Variants in SUPT16H observed in about 807,000 individuals in gnomAD.
SUPT16H encodes FACT complex subunit SPT16.
A neutral mutation model predicts 136.2 loss-of-function variants in SUPT16H; 24 were observed. That is an observed-to-expected ratio of 0.18 (90% CI 0.13 to 0.25). SUPT16H has a LOEUF of 0.25. SUPT16H is among the 10% of genes least tolerant of loss of function. The probability of loss-of-function intolerance (pLI) is 1.00; values close to 1 mark genes in which losing one functional copy is unlikely to be tolerated. For missense variants in SUPT16H, 623 were observed against 1,270.2 expected, an observed-to-expected ratio of 0.49 and a Z score of 7.74; for synonymous variants, 415 against 428.2, an observed-to-expected ratio of 0.97 and a Z score of 0.38.
At chr14:21,374,426 G>A (rs1338183759) in intron 1 of SUPT16H, among the ~76,000 whole-genome samples, 1 of 152,226 alleles carries the variant, frequency 6.6e-6, no homozygotes. Context: ...ATTTTTAGCA[G>A]AATTATGCAA....
intron 15 of SUPT16H, among the ~76,000 whole-genome samples, chr14:21,361,667 C>T (rs539657059): frequency 6.6e-6 from 1 of 152,262 alleles, no homozygotes; most frequent in Non-Finnish European, 1.5e-5. Flanking sequence ...CCAAATTATC[C>T]CATTTCACAC....
intron 7 of SUPT16H, among the ~76,000 whole-genome samples, chr14:21,368,063 A>T (rs1051555710): frequency 6.6e-5 from 10 of 152,088 alleles, no homozygotes; most frequent in African/African-American, 2.4e-4. Context: ...ACAGGCGTGC[A>T]CCACTATGCC....
At chr14:21,382,440 T>C (rs768774683) in intron 1 of SUPT16H, among the ~76,000 whole-genome samples, 4 of 152,202 alleles carry the variant, frequency 2.6e-5, no homozygotes, top group African/African-American at 7.2e-5. Context: ...CACAGTTAAT[T>C]TGTCATGTAG....
intron 10 of SUPT16H, among the ~76,000 whole-genome samples, 184 bp downstream of exon 10, chr14:21,364,643 A>G (rs1347736691): frequency 6.6e-6 from 1 of 152,222 alleles, no homozygotes; most frequent in African/African-American, 2.4e-5. Context: ...AATATGATTT[A>G]AAGGTTTATA....
intron 25 of SUPT16H, 30 bp from the exon 26 acceptor site, chr14:21,352,848 A>G (rs1566379069): frequency 3.1e-6 from 5 of 1,614,040 alleles, no homozygotes; most frequent in Non-Finnish European, 4.2e-6. Context: ...TTAGTTAGCA[A>G]TAGGTAAGCT....
chr14:21,357,948 C>T lies in SUPT16H; in HGVS notation c.2469G>A (p.Ala823=), dbSNP rs376628718. 106 of 1,613,642 alleles carry T rather than the reference C, an allele frequency of 6.6e-5. No individual in the cohort carries two copies. The highest frequency in any genetic ancestry group is 2.4e-4 in the African/African-American group (18 of 74,914). The stretch of plus-strand genomic sequence containing the variant: ...TCACCCATTCCGTAGCATTTACCAG[C>T]GCACTACTAGTGGGCTGAAGGAGGC... ...STCLLQPTSS[A]LVNATEWPPF... Residue 823 remains alanine, a synonymous_variant, in exon 21 of 26, where the codon GCG becomes GCA. Coordinates refer to ENST00000216297, the MANE Select transcript of SUPT16H (RefSeq NM_007192.4).
At chr14:21,380,481 T>C (rs1055396215) in intron 1 of SUPT16H, among the ~76,000 whole-genome samples, 1 of 151,906 alleles carries the variant, frequency 6.6e-6, no homozygotes, top group South Asian at 2.1e-4. Context: ...TGAATCTTAA[T>C]AGAACAACCC....
intron 16 of SUPT16H, 37 bp from the exon 17 acceptor site, chr14:21,361,009 T>C (rs570752871): frequency 1.9e-6 from 3 of 1,610,800 alleles, no homozygotes; most frequent in Non-Finnish European, 2.5e-6. Context: ...TTGTCACATA[T>C]CCTTACAAGT....
At chr14:21,358,150 A>G in intron 20 of SUPT16H, 148 bp from the exon 21 acceptor site, 1 of 807,684 alleles carries the variant, frequency 1.2e-6, no homozygotes, top group South Asian at 1.8e-5. Context: ...AGAGTTAGCC[A>G]CTCACCTAAA....
chr14:21,363,059 G>T lies in SUPT16H; in HGVS notation c.1486C>A (p.Gln496Lys). The change falls in exon 13 of 26, where the codon CAA becomes AAA. Residue 496 changes from glutamine (Q) to lysine (K), a missense_variant. By Grantham distance (53) the Gln-to-Lys change is moderately conservative. Coordinates refer to ENST00000216297, the MANE Select transcript of SUPT16H (RefSeq NM_007192.4). ...NEEAKRRLTEQKGEQQIQKAR... is the reference protein window; with the variant it reads ...NEEAKRRLTEKKGEQQIQKAR... ...TTCTGAATCTGCTGTTCTCCCTTTT[G>T]TTCAGTCAATCGCCTCTTTGCTTCT... 6.2e-7 allele frequency: 1 copy of T among 1,613,932 alleles called. No individual in the cohort carries two copies. The highest frequency in any genetic ancestry group is 8.5e-7 in the Non-Finnish European group (1 of 1,180,020).
At chr14:21,360,715 T>G in intron 17 of SUPT16H, 131 bp downstream of exon 17, 6 of 1,376,984 alleles carry the variant, frequency 4.4e-6, no homozygotes, top group South Asian at 1.4e-5. Flanking sequence ...TGTCATACTT[T>G]ATTAGCACCA....
chr14:21,357,888 T>C lies in SUPT16H; in HGVS notation c.2490+39A>G, dbSNP rs752665715. 2.5e-6 allele frequency: 4 copies of C among 1,577,616 alleles called. No individual in the cohort carries two copies. The South Asian group carries it at 3.4e-5, about 13-fold the overall frequency. On this transcript the variant is annotated intron_variant, in intron 21 of 25. Coordinates refer to ENST00000216297, the MANE Select transcript of SUPT16H (RefSeq NM_007192.4). ...AACACCTATCCTTCTTTATTTTCTC[T>C]AACAATTTTCTTACTAAAAGAAAGT...
intron 3 of SUPT16H, 50 bp downstream of exon 3, chr14:21,371,824 C>T (rs1886791283): frequency 6.2e-7 from 1 of 1,601,182 alleles, no homozygotes; most frequent in Non-Finnish European, 8.5e-7. Context: ...TCTGTTCATC[C>T]CTTTTGAAGA....
At chr14:21,366,610 C>T in intron 7 of SUPT16H, 81 bp from the exon 8 acceptor site, 2 of 1,326,054 alleles carry the variant, frequency 1.5e-6, no homozygotes, top group Non-Finnish European at 1.1e-6. Flanking sequence ...AAATTTATGT[C>T]CCCTAAAGCA....
In SUPT16H at chr14:21,364,836, A is replaced by G. The variant is rs200445805; in HGVS notation, c.1224T>C (p.Leu408=). 86 of 1,612,166 alleles carry G rather than the reference A, an allele frequency of 5.3e-5. No individual in the cohort carries two copies. In the East Asian group the frequency reaches 1.2e-3, roughly 22 times the overall value. ...TYALFIGDTV[L]VDEDGPATVL... is the part of the protein sequence containing the mutation. ...TAGACACAATACACACCTCATCCAC[A>G]AGCACTGTGTCACCAATGAACAGGG... The change falls in exon 10 of 26, where the codon CTT becomes CTC. Residue 408 remains leucine, a synonymous_variant. Transcript: ENST00000216297.
rs757216121 is a variant in SUPT16H at position 21,364,842 on chromosome 14, T to C, written c.1218A>G (p.Thr406=). The C allele has an allele frequency of 5.0e-5, 80 of 1,612,368 alleles. No individual in the cohort carries two copies. The highest frequency in any genetic ancestry group is 6.5e-5 in the Non-Finnish European group (77 of 1,179,980). ...CAATACACACCTCATCCACAAGCAC[T>C]GTGTCACCAATGAACAGGGCATAGG... is the stretch of plus-strand genomic sequence containing the variant. ...EKTYALFIGD[T]VLVDEDGPAT... Residue 406 remains threonine, a synonymous_variant, in exon 10 of 26, where the codon ACA becomes ACG. Coordinates refer to ENST00000216297, the MANE Select transcript of SUPT16H (RefSeq NM_007192.4).
chr14:21,358,800 G>GTTTA (rs141570149), intron 19 of SUPT16H, among the ~76,000 whole-genome samples: 3,176 of 152,016 alleles, frequency 0.021, 109 homozygotes, highest in African/African-American at 0.073. Context: ...ATTCAGGGTT[G>GTTTA]TTTATTTATT....
rs1372482936 is a variant in SUPT16H, at chr14:21,369,740, C to T, written c.630+10G>A. 5.6e-6 allele frequency: 9 copies of T among 1,613,834 alleles called. No individual in the cohort carries two copies. The highest frequency in any genetic ancestry group is 2.7e-5 in the African/African-American group (2 of 74,928). ...TAAAACAGTAAAAAGACCCTCTCAT[C>T]TCCATTTACCTCATCTGCATCAACT... On this transcript the variant is annotated intron_variant, in intron 5 of 25. Transcript: ENST00000216297.
rs1886602950 is a variant in SUPT16H at position 21,363,562 on chromosome 14, C to T, written c.1234-59G>A. ...TAAAAGAGGCAATTTCATTTTCTAA[C>T]CTAGTAAACGGCTGGGCAATGCTTT... On this transcript the variant is annotated intron_variant, in intron 10 of 25. Transcript: ENST00000216297. 4.8e-6 allele frequency: 7 copies of T among 1,468,292 alleles called. No homozygotes were observed. In the South Asian group the frequency reaches 7.0e-5, roughly 15 times the overall value. 91.0% of individuals were successfully genotyped at this position (1,468,292 alleles called of 1,614,324 possible).
Sources: gnomAD v4.1 joint callset for allele counts (sites outside exome capture counted in the v4.1 genomes callset) on GRCh38, gnomAD v4.1.1 for gene constraint, MANE v1.5 for transcripts, NCBI Gene and HGNC (gene_info 2026-07-23, HGNC 2026-07-21) for gene names.